Variants in TMC5 observed in about 807,000 individuals in gnomAD.
TMC5 encodes the protein transmembrane channel like 5, also known as transmembrane channel-like protein 5.
In TMC5, 86 loss-of-function variants were observed where a neutral mutation model predicts 110.5. The ratio of observed to expected loss-of-function variants is 0.78; its 90% CI spans 0.65 to 0.93. The LOEUF (loss-of-function observed/expected upper bound fraction) is 0.93. Ranked by LOEUF, TMC5 falls within the 40% of genes least tolerant of loss-of-function variation. The pLI, the probability that TMC5 is intolerant of heterozygous loss-of-function variation, is 0.00. For synonymous variants in TMC5, 455 were observed against 439.5 expected (o/e 1.04, Z -0.44); for missense variants, 1,144 against 1,222.8 (o/e 0.94, Z 0.96).
chr16:19,422,697 A>G (rs922675927), intron 1 of TMC5, among the ~76,000 whole-genome samples: 43 of 152,040 alleles, frequency 2.8e-4, no homozygotes, highest in African/African-American at 1.0e-3. Context: ...CCAGTGGCTC[A>G]CCCCTGTCAT....
upstream of TMC5, among the ~76,000 whole-genome samples, chr16:19,415,423 G>T (rs1220629483): frequency 1.3e-5 from 2 of 152,194 alleles, no homozygotes; most frequent in African/African-American, 2.4e-5. Flanking sequence ...GTAGCTTGCA[G>T]ATGGGGTGGG....
chr16:19,456,639 G>A (rs1055234903), intron 5 of TMC5: 3 of 1,553,044 alleles, frequency 1.9e-6, no homozygotes, highest in Non-Finnish European at 8.7e-7. Flanking sequence ...ATCAATGCGG[G>A]TGTGACTGCT....
At chr16:19,412,411 G>T (rs902599054) in intron 1 of TMC5, among the ~76,000 whole-genome samples, 4 of 151,622 alleles carry the variant, frequency 2.6e-5, no homozygotes, top group African/African-American at 9.7e-5. Flanking sequence ...TGTTGCCCAG[G>T]CTGGAGTGCA....
At chr16:19,420,685 A>C (rs1966964217) in intron 1 of TMC5, among the ~76,000 whole-genome samples, 1 of 151,602 alleles carries the variant, frequency 6.6e-6, no homozygotes. Flanking sequence ...CTGGTCTCCA[A>C]CTCCTGGTTT....
rs988524366 is a variant in TMC5 at position 19,440,011 on chromosome 16, C to T, written c.-28C>T. On this transcript the variant is annotated 5_prime_UTR_variant, in exon 3 of 22. Transcript: ENST00000542583. ...AATTGCAAATGCTGGGACAGTTTAC[C>T]ACTCCAGGGTGAAGAGTCCATACCA... 24 of 1,558,978 alleles carry T rather than the reference C, an allele frequency of 1.5e-5. No individual in the cohort carries two copies. Among genetic ancestry groups the T allele is most frequent in the Middle Eastern group, 2.0e-4 (1 of 5,082 alleles).
At chr16:19,443,917 T>C (rs1264029259) in intron 3 of TMC5, among the ~76,000 whole-genome samples, 164 bp from the exon 4 acceptor site, 4 of 147,640 alleles carry the variant, frequency 2.7e-5, no homozygotes, top group Non-Finnish European at 4.5e-5. Flanking sequence ...AAATACATGA[T>C]TGAATGGATG....
chr16:19,454,084 G>A (rs554227092), intron 5 of TMC5, among the ~76,000 whole-genome samples: 1 of 152,036 alleles, frequency 6.6e-6, no homozygotes, highest in Non-Finnish European at 1.5e-5. Flanking sequence ...GTTTCACTCT[G>A]TCCCCCAGGC....
At chr16:19,428,528 C>T (rs11864964) in intron 1 of TMC5, among the ~76,000 whole-genome samples, 33 of 152,018 alleles carry the variant, frequency 2.2e-4, no homozygotes, top group South Asian at 2.1e-4. Flanking sequence ...TGTTATAAGA[C>T]GCATTTGTTA....
intron 15 of TMC5, among the ~76,000 whole-genome samples, chr16:19,483,436 C>T (rs528491395): frequency 8.0e-4 from 122 of 152,266 alleles, no homozygotes; most frequent in African/African-American, 2.6e-3. Flanking sequence ...TCATGGAGAT[C>T]ACTGTGCTTG....
At chr16:19,448,476 A>T (rs1032978985) in intron 4 of TMC5, among the ~76,000 whole-genome samples, 1 of 151,730 alleles carries the variant, frequency 6.6e-6, no homozygotes, top group Non-Finnish European at 1.5e-5. Context: ...AATATTAGCC[A>T]GGCATGGTGG....
intron 5 of TMC5, among the ~76,000 whole-genome samples, chr16:19,449,969 C>T (rs1967713000): frequency 6.6e-6 from 1 of 152,148 alleles, no homozygotes; most frequent in African/African-American, 2.4e-5. Flanking sequence ...CAGTCTCAGG[C>T]AGTATTTTTA....
At chr16:19,479,746 T>C (rs1968570953) in intron 14 of TMC5, among the ~76,000 whole-genome samples, 1 of 152,154 alleles carries the variant, frequency 6.6e-6, no homozygotes, top group Non-Finnish European at 1.5e-5. Flanking sequence ...AGTTGACCTT[T>C]TACAACCTTT....
At chr16:19,476,827 G>A (rs898294109) in intron 12 of TMC5, 2 of 153,680 alleles carry the variant, frequency 1.3e-5, no homozygotes, top group African/African-American at 4.8e-5. Flanking sequence ...ACCTTCTTAT[G>A]TTAGTTACTG....
At chr16:19,496,679 G>A (rs1290911311) in intron 20 of TMC5, among the ~76,000 whole-genome samples, 2 of 151,934 alleles carry the variant, frequency 1.3e-5, no homozygotes, top group African/African-American at 4.8e-5. Flanking sequence ...GAGGTCAGGA[G>A]TTTGAGACCG....
At chr16:19,471,710 G>C (rs1968346021) in intron 10 of TMC5, among the ~76,000 whole-genome samples, 1 of 152,070 alleles carries the variant, frequency 6.6e-6, no homozygotes, top group Admixed American at 6.6e-5. Flanking sequence ...TAGCAGTGGA[G>C]AGGGATCTCT....
At chr16:19,449,265 C>T (rs961154366) in intron 4 of TMC5, among the ~76,000 whole-genome samples, 14 of 152,140 alleles carry the variant, frequency 9.2e-5, no homozygotes, top group African/African-American at 3.1e-4. Context: ...GGATTACAGG[C>T]GTGAGCTACC....
Position 19,460,266 on chromosome 16 carries a change from G to A in TMC5, c.1080G>A (p.Met360Ile), listed in dbSNP as rs920660246. ...AGTTAATCGCATCCCTTATACCCAT[G>A]ACATCCAGAGACAGAATTAAAGCCA... ...GQKLIASLIPMTSRDRIKAIR... is the reference protein window; with the variant it reads ...GQKLIASLIPITSRDRIKAIR... The change falls in exon 6 of 22, where the codon ATG becomes ATA. Residue 360 changes from methionine to isoleucine, a missense_variant. Coordinates refer to ENST00000542583, the MANE Select transcript of TMC5 (RefSeq NM_001261841.2). 1.9e-6 allele frequency: 3 copies of A among 1,613,542 alleles called. No homozygotes were observed. Among genetic ancestry groups the A allele is most frequent in the Non-Finnish European group, 2.5e-6 (3 of 1,179,684 alleles).
chr16:19,431,370 G>A (rs192678230), intron 2 of TMC5, among the ~76,000 whole-genome samples: 4 of 152,016 alleles, frequency 2.6e-5, no homozygotes, highest in Admixed American at 2.0e-4. Context: ...CTGAAACCCC[G>A]TCTCTACTAA....
At chr16:19,489,573 A>T (rs1968833759) in intron 17 of TMC5, among the ~76,000 whole-genome samples, 1 of 150,666 alleles carries the variant, frequency 6.6e-6, no homozygotes, top group Non-Finnish European at 1.5e-5. Flanking sequence ...TGACCTTGTG[A>T]TCCACCCGCC....
Sources: allele counts gnomAD v4.1 joint callset (sites outside exome capture counted in the v4.1 genomes callset), GRCh38; gene constraint gnomAD v4.1.1; transcripts MANE v1.5; gene names NCBI Gene and HGNC (gene_info 2026-07-23, HGNC 2026-07-21).